Variants in TMEM260 observed in about 807,000 individuals in gnomAD.
TMEM260 encodes transmembrane protein 260.
In TMEM260, 82 loss-of-function variants were observed where a neutral mutation model predicts 88.9. That is an observed-to-expected ratio of 0.92 (90% CI 0.77 to 1.11). The LOEUF is 1.11. TMEM260 is among the 50% of genes least tolerant of loss of function. The probability of loss-of-function intolerance (pLI) is 0.00; values close to 1 mark genes in which losing one functional copy is unlikely to be tolerated. For synonymous variants in TMEM260, 314 were observed against 309.3 expected (o/e 1.02, Z -0.16); for missense variants, 902 against 853.4 (o/e 1.06, Z -0.71).
chr14:56,633,437 C>A, intron 13 of TMEM260: 1 of 279,278 alleles, frequency 3.6e-6, no homozygotes, highest in Non-Finnish European at 6.7e-6. Context: ...CTTCTACTTC[C>A]AAGTCTTTGA....
intron 6 of TMEM260, among the ~76,000 whole-genome samples, chr14:56,611,428 G>A (rs1453627191): frequency 6.6e-6 from 1 of 152,084 alleles, no homozygotes; most frequent in Non-Finnish European, 1.5e-5. Flanking sequence ...CAGCCAAAAA[G>A]CATATGAAAA....
chr14:56,619,371 C>T (rs1007899935), intron 10 of TMEM260: 7 of 152,576 alleles, frequency 4.6e-5, no homozygotes, highest in Admixed American at 4.6e-4. Context: ...CAAGGTCTCA[C>T]TATGTTGCCT....
intron 1 of TMEM260, among the ~76,000 whole-genome samples, chr14:56,581,661 GGTT>G (rs1885144493): frequency 6.6e-6 from 1 of 152,114 alleles, no homozygotes; most frequent in Non-Finnish European, 1.5e-5. Context: ...GCTTTATATG[GGTT>G]GTTGTTTTAA....
At chr14:56,579,631 G>A (rs1447546783), upstream of TMEM260, 7 of 351,774 alleles carry the variant, frequency 2.0e-5, no homozygotes, top group East Asian at 2.9e-4. Flanking sequence ...CTTTTTAAAG[G>A]GAATGCTCTC....
At chr14:56,655,082 A>C (rs1218599951), downstream of TMEM260, among the ~76,000 whole-genome samples, 2 of 152,064 alleles carry the variant, frequency 1.3e-5, no homozygotes, top group Non-Finnish European at 2.9e-5. Context: ...TCCTTCATTT[A>C]CTCTCAGAAT....
chr14:56,656,171 C>G, the TMEM260 span, among the ~76,000 whole-genome samples: 1 of 152,148 alleles, frequency 6.6e-6, no homozygotes. Context: ...AATCTCACCA[C>G]TTTGGGAGGC....
rs61995029 is a variant in TMEM260, at chr14:56,642,154, G to C, written c.1870-5089G>C. 1.0e-3 allele frequency among the ~76,000 whole-genome samples: 158 copies of C among 152,186 alleles called. 2 individuals carry two copies. Among genetic ancestry groups the C allele is most frequent in the African/African-American group, 3.7e-3 (153 of 41,496 alleles). ...AATTGAACTCAGCTCTGCACGAAGCGGACCTAATAGAGATCTACAGAACTC... is the reference window on the plus strand; with the variant it reads ...AATTGAACTCAGCTCTGCACGAAGCCGACCTAATAGAGATCTACAGAACTC... On this transcript the variant is annotated intron_variant, in intron 15 of 15. Coordinates refer to ENST00000261556, the MANE Select transcript of TMEM260 (RefSeq NM_017799.4).
At chr14:56,623,236 T>TA in intron 11 of TMEM260, among the ~76,000 whole-genome samples, 1 of 152,206 alleles carries the variant, frequency 6.6e-6, no homozygotes, top group Non-Finnish European at 1.5e-5. Context: ...AGTCTGGAGA[T>TA]AGGTGATGTT....
chr14:56,618,856 G>A (rs1028068637), intron 10 of TMEM260, 93 bp downstream of exon 10: 10 of 1,282,846 alleles, frequency 7.8e-6, no homozygotes, highest in Admixed American at 4.5e-5. Context: ...TTAACTTCTG[G>A]TTTTCAAGAC....
In TMEM260 at chr14:56,583,490, G is replaced by A. The variant is rs78386457; in HGVS notation, c.161-1511G>A. Among the ~76,000 whole-genome samples the A allele has an allele frequency of 7.1e-3, 1,080 of 152,188 alleles. 16 individuals carry two copies. The highest frequency in any genetic ancestry group is 0.021 in the African/African-American group (868 of 41,522). On this transcript the variant is annotated intron_variant, in intron 1 of 15. Transcript: ENST00000261556. The stretch of plus-strand genomic sequence containing the variant: ...TATGGCTTGAATTGATGCTTTGTGT[G>A]TGGCCAGAGGGGAGAGGTGGTGGTA...
In TMEM260 at chr14:56,647,922, G is replaced by GAAAAAA. The variant is rs33934155; in HGVS notation, c.*430_*435dup. 1 of 154,530 alleles carries GAAAAAA rather than the reference G, an allele frequency of 6.5e-6. No individual in the cohort carries two copies. The allele number at this position is 154,530 out of a possible 1,614,324, so 9.6% of individuals were successfully genotyped here. A position where few individuals can be genotyped will look rare whatever the true frequency, so the allele number is the denominator to read the frequency against. On this transcript the variant is annotated 3_prime_UTR_variant, in exon 16 of 16. Transcript: ENST00000261556. ...GACCAAAGACATTTTCTGTTTCCTGGAAAAAAAAAATGAATCATGTTAGGC... is the reference window on the plus strand; with the variant it reads ...GACCAAAGACATTTTCTGTTTCCTGGAAAAAAAAAAAAAAAATGAATCATGTTAGGC...
chr14:56,638,631 C>T (rs1878858364), intron 15 of TMEM260, among the ~76,000 whole-genome samples: 1 of 151,984 alleles, frequency 6.6e-6, no homozygotes, highest in Admixed American at 6.6e-5. Context: ...ACAATGTTTA[C>T]AAGACAAATG....
chr14:56,608,092 T>G (rs1887027265), intron 5 of TMEM260, among the ~76,000 whole-genome samples: 1 of 152,246 alleles, frequency 6.6e-6, no homozygotes, highest in Non-Finnish European at 1.5e-5. Context: ...TTTATGCATC[T>G]CATTACTGCT....
intron 15 of TMEM260, among the ~76,000 whole-genome samples, chr14:56,639,581 G>A (rs564804555): frequency 3.3e-5 from 5 of 152,320 alleles, no homozygotes; most frequent in South Asian, 2.1e-4. Flanking sequence ...CAACGCAGAA[G>A]ACGGGTGATT....
At chr14:56,660,509 T>C in the TMEM260 span, among the ~76,000 whole-genome samples, 1 of 152,228 alleles carries the variant, frequency 6.6e-6, no homozygotes, top group Non-Finnish European at 1.5e-5. Flanking sequence ...GAGCACATTA[T>C]TTTCTTATTG....
chr14:56,644,059 T>C (rs779226098), intron 15 of TMEM260, among the ~76,000 whole-genome samples: 8 of 152,058 alleles, frequency 5.3e-5, no homozygotes, highest in Non-Finnish European at 1.0e-4. Context: ...AAGAATCAAT[T>C]GCGTGAAAAT....
chr14:56,627,768 ATTTAC>A (rs1888329384), intron 12 of TMEM260, among the ~76,000 whole-genome samples: 1 of 152,176 alleles, frequency 6.6e-6, no homozygotes, highest in Admixed American at 6.5e-5. Context: ...ATGCAGTAAT[ATTTAC>A]TTTTCTTGTT....
At chr14:56,637,200 A>T (rs1256313817) in intron 15 of TMEM260, among the ~76,000 whole-genome samples, 1 of 152,200 alleles carries the variant, frequency 6.6e-6, no homozygotes, top group Non-Finnish European at 1.5e-5. Flanking sequence ...TATGTTGTTT[A>T]TTTGTTACAG....
chr14:56,642,660 G>A (rs1889683663), intron 15 of TMEM260, among the ~76,000 whole-genome samples: 1 of 152,128 alleles, frequency 6.6e-6, no homozygotes, highest in South Asian at 2.1e-4. Context: ...ACTAAGATCA[G>A]AGCAGAACTG....
Sources: allele counts gnomAD v4.1 joint callset (sites outside exome capture counted in the v4.1 genomes callset), GRCh38; gene constraint gnomAD v4.1.1; transcripts MANE v1.5; gene names NCBI Gene and HGNC (gene_info 2026-07-23, HGNC 2026-07-21).